The following SHC3 variants were observed in gnomAD, a reference collection of about 807,000 sequenced individuals.
SHC3 encodes the protein SHC-transforming protein 3.
Under a neutral mutation model 60.4 loss-of-function variants are expected in SHC3, and 15 were observed. The ratio of observed to expected loss-of-function variants is 0.25; its 90% CI spans 0.17 to 0.38. The LOEUF is 0.38. SHC3 is among the 10% of genes least tolerant of loss of function. The pLI, the probability that SHC3 is intolerant of heterozygous loss-of-function variation, is 1.00. For missense variants in SHC3, 677 were observed against 786.1 expected (o/e 0.86, Z 1.66); for synonymous variants, 294 against 325.9 (o/e 0.90, Z 1.05).
intron 2 of SHC3, among the ~76,000 whole-genome samples, chr9:89,108,170 A>G (rs1253119705): frequency 1.3e-5 from 2 of 152,160 alleles, no homozygotes; most frequent in South Asian, 4.1e-4. Flanking sequence ...GCCTAAGTGC[A>G]CTCTACGATG....
chr9:89,111,664 C>A (rs1353227348), intron 2 of SHC3, among the ~76,000 whole-genome samples: 1 of 151,938 alleles, frequency 6.6e-6, no homozygotes, highest in East Asian at 1.9e-4. Context: ...GTACCTATAA[C>A]AGAATTGAGG....
At chr9:89,165,385 T>C (rs1826772094) in intron 1 of SHC3, among the ~76,000 whole-genome samples, 1 of 152,066 alleles carries the variant, frequency 6.6e-6, no homozygotes, top group Admixed American at 6.6e-5. Context: ...GAGAGGAAAC[T>C]TTCACTTTTC....
At chr9:89,077,259 TACTA>T (rs1825374423) in intron 3 of SHC3, among the ~76,000 whole-genome samples, 1 of 152,098 alleles carries the variant, frequency 6.6e-6, no homozygotes, top group South Asian at 2.1e-4. Context: ...CTGCATTAAC[TACTA>T]ACTGTTTTTC....
chr9:89,063,281 C>T (rs553321483), intron 6 of SHC3, among the ~76,000 whole-genome samples: 1 of 152,292 alleles, frequency 6.6e-6, no homozygotes, highest in South Asian at 2.1e-4. Context: ...AGGTGTGCAC[C>T]ACCACGCCCA....
At chr9:89,138,735 A>G (rs1826352958) in intron 1 of SHC3, among the ~76,000 whole-genome samples, 3 of 152,104 alleles carry the variant, frequency 2.0e-5, no homozygotes, top group South Asian at 2.1e-4. Context: ...TTCTAAGAGA[A>G]CCCTTAATCC....
chr9:89,115,632 A>G (rs1303401230), intron 1 of SHC3, among the ~76,000 whole-genome samples: 1 of 152,194 alleles, frequency 6.6e-6, no homozygotes, highest in Admixed American at 6.6e-5. Context: ...TGAATACCAC[A>G]GCAATCATCT....
intron 1 of SHC3, among the ~76,000 whole-genome samples, chr9:89,154,529 C>G (rs1564184747): frequency 6.6e-6 from 1 of 152,186 alleles, no homozygotes; most frequent in Non-Finnish European, 1.5e-5. Context: ...CCTCCTTTTC[C>G]AGGCTTTTCT....
chr9:89,108,390 A>G (rs1825896220), intron 2 of SHC3, among the ~76,000 whole-genome samples: 1 of 151,912 alleles, frequency 6.6e-6, no homozygotes, highest in South Asian at 2.1e-4. Context: ...ACATGGTGGC[A>G]TGCACCTGTG....
At chr9:89,059,778 G>GAC (rs1425462830) in intron 6 of SHC3, among the ~76,000 whole-genome samples, 181 of 135,878 alleles carry the variant, frequency 1.3e-3, no homozygotes, top group South Asian at 2.2e-3. Context: ...GGTGGTGGAG[G>GAC]ATGGTGGTGG....
intron 1 of SHC3, among the ~76,000 whole-genome samples, chr9:89,124,384 C>T (rs1826133919): frequency 6.6e-6 from 1 of 152,164 alleles, no homozygotes; most frequent in Non-Finnish European, 1.5e-5. Context: ...AAGACACATG[C>T]ACAAGTATGT....
chr9:89,046,218 A>G (rs1824773066), intron 8 of SHC3, among the ~76,000 whole-genome samples: 1 of 152,126 alleles, frequency 6.6e-6, no homozygotes, highest in Non-Finnish European at 1.5e-5. Flanking sequence ...CACTTGGTCA[A>G]GTCCACTCTG....
intron 1 of SHC3, among the ~76,000 whole-genome samples, chr9:89,118,751 C>T (rs1014967604): frequency 6.6e-6 from 1 of 151,986 alleles, no homozygotes; most frequent in Non-Finnish European, 1.5e-5. Context: ...AAATATTGAG[C>T]CAAGAATCTT....
At position 89,038,062 on chromosome 9, in the gene SHC3, G is replaced by A. The variant is rs56005403; in HGVS notation, c.1587C>T (p.Gly529=). The A allele has an allele frequency of 0.014, 23,317 of 1,613,950 alleles. 218 individuals carry two copies. Among genetic ancestry groups the A allele is most frequent in the Non-Finnish European group, 0.018 (20,753 of 1,180,016 alleles). Residue 529 remains glycine (G), a synonymous_variant, in exon 11 of 12, where the codon GGC becomes GGT. Coordinates refer to ENST00000375835, the MANE Select transcript of SHC3 (RefSeq NM_016848.6). The part of the protein sequence containing the change: ...FLVRKSTTNP[G]SFVLTGMHNG... ...TGTGCATGCCCGTGAGGACAAAGGA[G>A]CCCGGGTTGGTGGTGCTCTTCCTGA...
chr9:89,076,456 C>T (rs765565021), intron 3 of SHC3, among the ~76,000 whole-genome samples: 19 of 152,162 alleles, frequency 1.2e-4, no homozygotes, highest in Non-Finnish European at 1.9e-4. Context: ...CTTTGAAGGA[C>T]GCTTTCTCCA....
chr9:89,084,951 G>A lies in SHC3; in HGVS notation c.546-7048C>T, dbSNP rs183037464. Reference sequence around the variant, plus strand: ...ACAGTGTGGAATCTAGAGACCCACGGAACCCTGCACACACCTGTCTTCACT... The same window carrying A: ...ACAGTGTGGAATCTAGAGACCCACGAAACCCTGCACACACCTGTCTTCACT... On this transcript the variant is annotated intron_variant, in intron 2 of 11. Transcript: ENST00000375835. Among the ~76,000 whole-genome samples the A allele has an allele frequency of 2.0e-5, 3 of 152,284 alleles. No homozygotes were observed. In the East Asian group the frequency reaches 5.8e-4, roughly 29 times the overall value.
At position 89,052,076 on chromosome 9, in the gene SHC3, T is replaced by C. The variant is rs751983339; in HGVS notation, c.923A>G (p.Tyr308Cys). Residue 308 changes from tyrosine to cysteine, a missense_variant, in exon 7 of 12, where the codon TAT becomes TGT. Tyr to Cys is a radical substitution (Grantham distance 194). Transcript: ENST00000375835. ...GQAFELRFKQ[Y>C]LQCPTKIPAL... Reference sequence around the variant, plus strand: ...GGGAATCTTGGTAGGACACTGTAAATATTGCTTAAACCGGAGCTCAAAGGC... The same window carrying C: ...GGGAATCTTGGTAGGACACTGTAAACATTGCTTAAACCGGAGCTCAAAGGC... 5 of 1,614,122 alleles carry C rather than the reference T, an allele frequency of 3.1e-6. No homozygotes were observed. In the East Asian group the frequency reaches 1.1e-4, roughly 36 times the overall value.
At chr9:89,162,037 T>G (rs7020171) in intron 1 of SHC3, among the ~76,000 whole-genome samples, 11,665 of 106,284 alleles carry the variant, frequency 0.11, 567 homozygotes, top group Middle Eastern at 0.17. Flanking sequence ...ACTTACAAGG[T>G]ATGTGAAGGA....
rs549183172 is a variant in SHC3 at position 89,142,333 on chromosome 9, G to C, written c.475-29707C>G. On this transcript the variant is annotated intron_variant, in intron 1 of 11. Transcript: ENST00000375835. The stretch of plus-strand genomic sequence containing the variant: ...ACAGCACTTTGGGAGGCCAAGGCAG[G>C]TGGATCACTTGAGGTCCAGGAGTTC... Among the ~76,000 whole-genome samples the C allele has an allele frequency of 1.6e-4, 24 of 152,308 alleles. No individual in the cohort carries two copies. The East Asian group carries it at 4.6e-3, about 29-fold the overall frequency.
At chr9:89,021,046 G>A (rs996991613) in intron 11 of SHC3, among the ~76,000 whole-genome samples, 1 of 152,180 alleles carries the variant, frequency 6.6e-6, no homozygotes, top group Non-Finnish European at 1.5e-5. Context: ...GGGACATTTC[G>A]CACTGAGCTT....
Sources: gnomAD v4.1 joint callset for allele counts (sites outside exome capture counted in the v4.1 genomes callset) on GRCh38, gnomAD v4.1.1 for gene constraint, MANE v1.5 for transcripts, NCBI Gene and HGNC (gene_info 2026-07-23, HGNC 2026-07-21) for gene names.